ABI1: variants seen among roughly 807,000 people sequenced by gnomAD.
ABI1 encodes the protein abl interactor 1.
In ABI1, 14 loss-of-function variants were observed where a neutral mutation model predicts 54.6. The observed-to-expected ratio is 0.26, with a 90% confidence interval of 0.17 to 0.40. ABI1 has a LOEUF of 0.40. ABI1 is among the 10% of genes least tolerant of loss of function. The pLI, the probability that ABI1 is intolerant of heterozygous loss-of-function variation, is 1.00. For synonymous variants in ABI1, 194 were observed against 209.3 expected (o/e 0.93, Z 0.63); for missense variants, 443 against 598.3 (o/e 0.74, Z 2.71).
chr10:26,768,712 T>C (rs1033549352), intron 6 of ABI1, 140 bp downstream of exon 6: 2 of 701,266 alleles, frequency 2.9e-6, no homozygotes, highest in Non-Finnish European at 4.7e-6. Context: ...GGAACATATA[T>C]AATATTATTC....
chr10:26,813,795 C>G (rs1330172509), intron 2 of ABI1, among the ~76,000 whole-genome samples: 1 of 152,140 alleles, frequency 6.6e-6, no homozygotes, highest in Non-Finnish European at 1.5e-5. Context: ...TTTTGGATAA[C>G]AGTTTTTTTC....
At chr10:26,766,020 A>T (rs1331422049) in intron 6 of ABI1, among the ~76,000 whole-genome samples, 2 of 152,218 alleles carry the variant, frequency 1.3e-5, no homozygotes, top group Non-Finnish European at 2.9e-5. Flanking sequence ...TGAAAAGGTA[A>T]TGTAATAGAT....
chr10:26,792,030 T>C (rs749154160), intron 2 of ABI1, among the ~76,000 whole-genome samples: 5 of 152,166 alleles, frequency 3.3e-5, no homozygotes, highest in Admixed American at 6.6e-5. Context: ...GATGAATCCA[T>C]TGTTATAAGC....
intron 1 of ABI1, among the ~76,000 whole-genome samples, chr10:26,844,479 A>G (rs949645310): frequency 3.9e-5 from 6 of 152,262 alleles, no homozygotes; most frequent in African/African-American, 1.4e-4. Flanking sequence ...ACCTCATGCC[A>G]CAACAGTATA....
chr10:26,747,546 T>C lies in ABI1; in HGVS notation c.*1024A>G, dbSNP rs996727099. The C allele has an allele frequency of 9.8e-6, 2 of 203,844 alleles. No homozygotes were observed. Among genetic ancestry groups the C allele is most frequent in the East Asian group, 7.5e-5 (1 of 13,258 alleles). 12.6% of individuals were successfully genotyped at this position (203,844 alleles called of 1,614,324 possible). A position where few individuals can be genotyped will look rare whatever the true frequency, so the allele number is the denominator to read the frequency against. On this transcript the variant is annotated 3_prime_UTR_variant, in exon 11 of 11. Transcript: ENST00000376140. ...AAAAGGTACTTTTAACTTCCTTTCA[T>C]TGAACCAGTGTACAACAGTTCACTG...
chr10:26,823,833 T>G (rs2048138731), intron 1 of ABI1, among the ~76,000 whole-genome samples: 1 of 152,036 alleles, frequency 6.6e-6, no homozygotes, highest in African/African-American at 2.4e-5. Context: ...CCCAAACTCC[T>G]ATAGATAACT....
intron 3 of ABI1, among the ~76,000 whole-genome samples, chr10:26,771,736 TC>T (rs1840720100): frequency 6.6e-6 from 1 of 152,112 alleles, no homozygotes; most frequent in Non-Finnish European, 1.5e-5. Context: ...TGAACCCCAA[TC>T]CTGTGCAGGC....
At chr10:26,794,928 G>C (rs991645969) in intron 2 of ABI1, among the ~76,000 whole-genome samples, 1 of 152,098 alleles carries the variant, frequency 6.6e-6, no homozygotes, top group African/African-American at 2.4e-5. Context: ...CGGATTGCTT[G>C]AGGCCAGGAG....
intron 2 of ABI1, among the ~76,000 whole-genome samples, chr10:26,781,799 G>C (rs879205561): frequency 6.6e-6 from 1 of 152,094 alleles, no homozygotes; most frequent in Non-Finnish European, 1.5e-5. Context: ...TTACAGTAAG[G>C]GTCCATTGTC....
chr10:26,822,404 G>C (rs1314226697), intron 2 of ABI1, among the ~76,000 whole-genome samples: 1 of 141,304 alleles, frequency 7.1e-6, no homozygotes, highest in African/African-American at 2.8e-5. Flanking sequence ...ACCACACAAA[G>C]ATTTGCATAC....
intron 2 of ABI1, among the ~76,000 whole-genome samples, chr10:26,788,826 T>C (rs1305798909): frequency 7.0e-6 from 1 of 142,270 alleles, no homozygotes; most frequent in Non-Finnish European, 1.5e-5. Flanking sequence ...GGCAGGAGAA[T>C]GGCATGAACC....
chr10:26,769,007 T>C lies in ABI1; in HGVS notation c.579-15A>G, dbSNP rs1393029178. ...GAGTATTCCGTCTAAAGGAGCATAG[T>C]GGAGAAAGGAATAATGAATAAAAAA... On this transcript the variant is annotated splice_polypyrimidine_tract_variant and intron_variant, in intron 5 of 10. Coordinates refer to ENST00000376140, the MANE Select transcript of ABI1 (RefSeq NM_001012750.3). The C allele has an allele frequency of 5.8e-6, 9 of 1,560,624 alleles. No homozygotes were observed. The East Asian group carries it at 7.0e-5, about 12-fold the overall frequency.
At chr10:26,799,402 T>C (rs1379092339) in intron 2 of ABI1, among the ~76,000 whole-genome samples, 1 of 152,156 alleles carries the variant, frequency 6.6e-6, no homozygotes, top group Non-Finnish European at 1.5e-5. Context: ...GGCTTTATAA[T>C]TTACACTGTG....
intron 7 of ABI1, among the ~76,000 whole-genome samples, chr10:26,762,589 A>G (rs1839382751): frequency 6.6e-6 from 1 of 152,224 alleles, no homozygotes; most frequent in South Asian, 2.1e-4. Context: ...TGAAACTGAT[A>G]TATCTTTAAA....
intron 1 of ABI1, among the ~76,000 whole-genome samples, chr10:26,854,745 C>CT (rs2050679917): frequency 6.6e-6 from 1 of 152,226 alleles, no homozygotes; most frequent in Non-Finnish European, 1.5e-5. Flanking sequence ...TCCTGAATCA[C>CT]TTTGACTGTT....
chr10:26,848,578 T>C (rs1361636679), intron 1 of ABI1, among the ~76,000 whole-genome samples: 1 of 149,338 alleles, frequency 6.7e-6, no homozygotes, highest in Non-Finnish European at 1.5e-5. Flanking sequence ...CCAAAATAAT[T>C]AGCACAGTAT....
chr10:26,770,864 A>G (rs1056374627), intron 4 of ABI1, among the ~76,000 whole-genome samples: 2 of 152,234 alleles, frequency 1.3e-5, no homozygotes, highest in Non-Finnish European at 2.9e-5. Context: ...ATGTTCCTAT[A>G]TAAACACAGA....
At chr10:26,776,706 GAAACGAT>G (rs1841448154) in intron 3 of ABI1, 1 of 164,004 alleles carries the variant, frequency 6.1e-6, no homozygotes, top group South Asian at 1.8e-4. Context: ...ATTTAGAAAT[GAAACGAT>G]AAAAGTATTT....
chr10:26,858,964 T>C (rs2051079156), intron 1 of ABI1, among the ~76,000 whole-genome samples: 1 of 152,222 alleles, frequency 6.6e-6, no homozygotes, highest in South Asian at 2.1e-4. Context: ...TTAAACTTAC[T>C]GTGCTCTCCT....
Sources: gnomAD v4.1 joint callset for allele counts (sites outside exome capture counted in the v4.1 genomes callset) on GRCh38, gnomAD v4.1.1 for gene constraint, MANE v1.5 for transcripts, NCBI Gene and HGNC (gene_info 2026-07-23, HGNC 2026-07-21) for gene names.